VPS13A: variants seen among roughly 807,000 people sequenced by gnomAD.
The protein encoded by VPS13A is intermembrane lipid transfer protein VPS13A.
VPS13A carries 264 observed loss-of-function variants against 390.9 expected under a neutral mutation model. The observed-to-expected ratio is 0.68, with a 90% CI of 0.61 to 0.75. The LOEUF is 0.75. Among genes scored for constraint, VPS13A ranks in the 30% least tolerant of loss-of-function variants. The probability of loss-of-function intolerance (pLI) is 0.00; values close to 1 mark genes in which losing one functional copy is unlikely to be tolerated. For missense variants in VPS13A, 3,409 were observed against 3,733.9 expected (o/e 0.91, Z 2.27); for synonymous variants, 1,231 against 1,227.1 (o/e 1.00, Z -0.07).
At chr9:77,248,657 AAATT>A (rs1201452723) in intron 20 of VPS13A, among the ~76,000 whole-genome samples, 2 of 152,184 alleles carry the variant, frequency 1.3e-5, no homozygotes, top group East Asian at 3.8e-4. Context: ...ATTAGAATTA[AAATT>A]AATTCAGTTT....
At chr9:77,239,025 G>A (rs1172655536) in intron 19 of VPS13A, among the ~76,000 whole-genome samples, 1 of 151,918 alleles carries the variant, frequency 6.6e-6, no homozygotes, top group Non-Finnish European at 1.5e-5. Flanking sequence ...ATTAGGTATG[G>A]ATTGTTAATC....
chr9:77,291,862 A>G (rs548196246), intron 31 of VPS13A, among the ~76,000 whole-genome samples: 1 of 152,260 alleles, frequency 6.6e-6, no homozygotes, highest in South Asian at 2.1e-4. Flanking sequence ...TCCTCATGGC[A>G]TCTGATTGAT....
intron 68 of VPS13A, among the ~76,000 whole-genome samples, chr9:77,400,567 C>A (rs2131643221): frequency 6.6e-6 from 1 of 152,090 alleles, no homozygotes; most frequent in Admixed American, 6.5e-5. Flanking sequence ...GTGGCTCATG[C>A]CTGTAATCCC....
chr9:77,311,405 A>G (rs1196691231), intron 35 of VPS13A, among the ~76,000 whole-genome samples: 1 of 152,160 alleles, frequency 6.6e-6, no homozygotes, highest in Non-Finnish European at 1.5e-5. Context: ...ATCACCCTAA[A>G]TATTAGCAGT....
At chr9:77,408,625 C>T (rs1025982599) in intron 71 of VPS13A, among the ~76,000 whole-genome samples, 3 of 152,162 alleles carry the variant, frequency 2.0e-5, no homozygotes, top group East Asian at 1.9e-4. Flanking sequence ...TCTTAGCAAC[C>T]GGCACACCAG....
intron 23 of VPS13A, among the ~76,000 whole-genome samples, chr9:77,272,660 G>A (rs1163502868): frequency 6.6e-6 from 1 of 152,142 alleles, no homozygotes; most frequent in East Asian, 1.9e-4. Context: ...AGGTGCTTTA[G>A]TACAAACAAC....
At chr9:77,290,645 C>A (rs1827599283) in intron 31 of VPS13A, among the ~76,000 whole-genome samples, 2 of 152,142 alleles carry the variant, frequency 1.3e-5, no homozygotes, top group South Asian at 4.2e-4. Context: ...TTTCTTAGTG[C>A]CTTTTAATTC....
intron 71 of VPS13A, among the ~76,000 whole-genome samples, chr9:77,415,506 AAATT>A (rs1312102477): frequency 6.6e-6 from 1 of 152,206 alleles, no homozygotes; most frequent in Non-Finnish European, 1.5e-5. Flanking sequence ...TTGTAATTTC[AAATT>A]ATTTTAGAAT....
chr9:77,340,311 CTTTTA>C (rs1387825446), intron 49 of VPS13A, 29 bp downstream of exon 49: 3 of 1,606,782 alleles, frequency 1.9e-6, no homozygotes, highest in South Asian at 2.2e-5. Context: ...TATCAAGAAA[CTTTTA>C]TTTTAAATGT....
At chr9:77,301,392 A>C (rs1181687896) in intron 33 of VPS13A, among the ~76,000 whole-genome samples, 1 of 152,218 alleles carries the variant, frequency 6.6e-6, no homozygotes, top group Non-Finnish European at 1.5e-5. Flanking sequence ...TGGGGCTTTT[A>C]GATTCCTTAA....
At chr9:77,283,695 T>C (rs746011607) in intron 31 of VPS13A, 45 bp downstream of exon 31, 1 of 1,441,246 alleles carries the variant, frequency 6.9e-7, no homozygotes, top group East Asian at 2.5e-5. Context: ...TTAAATAGGA[T>C]TGTCCTTTAA....
At chr9:77,303,514 A>G (rs539613503) in intron 34 of VPS13A, among the ~76,000 whole-genome samples, 194 of 152,306 alleles carry the variant, frequency 1.3e-3, no homozygotes, top group Non-Finnish European at 2.1e-3. Context: ...GAGACAAAGT[A>G]TAGAGAAACA....
chr9:77,229,226 G>A (rs763826124), intron 17 of VPS13A, among the ~76,000 whole-genome samples: 1 of 151,782 alleles, frequency 6.6e-6, no homozygotes, highest in Admixed American at 6.6e-5. Flanking sequence ...CTACAGGCGC[G>A]AGCCACCAAC....
At chr9:77,291,091 C>G (rs769441138) in intron 31 of VPS13A, among the ~76,000 whole-genome samples, 2 of 152,104 alleles carry the variant, frequency 1.3e-5, no homozygotes, top group African/African-American at 4.8e-5. Flanking sequence ...GGAACTGGGC[C>G]GGACAGCAGG....
rs1428854852 is a variant in VPS13A, at chr9:77,337,788, A to T, written c.6378+251A>T. On this transcript the variant is annotated intron_variant, in intron 47 of 71. Coordinates refer to ENST00000360280, the MANE Select transcript of VPS13A (RefSeq NM_033305.3). Reference sequence around the variant, plus strand: ...CTTTTAGTGCTGATTTTCTTAAAAGATTGTATACTTTGTGAAGTTGCTTTT... The same window carrying T: ...CTTTTAGTGCTGATTTTCTTAAAAGTTTGTATACTTTGTGAAGTTGCTTTT... 11 of 378,322 alleles carry T rather than the reference A, an allele frequency of 2.9e-5. No homozygotes were observed. The Admixed American group carries it at 3.3e-4, about 11-fold the overall frequency. 23.4% of individuals were successfully genotyped at this position (378,322 alleles called of 1,614,324 possible).
At chr9:77,282,443 A>G (rs1223190691) in intron 29 of VPS13A, among the ~76,000 whole-genome samples, 169 bp downstream of exon 29, 1 of 152,166 alleles carries the variant, frequency 6.6e-6, no homozygotes, top group Non-Finnish European at 1.5e-5. Flanking sequence ...TAGAAAATAA[A>G]GGAAACTACT....
chr9:77,398,616 G>A (rs565730403), intron 68 of VPS13A, among the ~76,000 whole-genome samples: 2 of 152,184 alleles, frequency 1.3e-5, no homozygotes, highest in African/African-American at 4.8e-5. Flanking sequence ...TGACTACAAC[G>A]TGACATTTGT....
At position 77,239,656 on chromosome 9, in the gene VPS13A, T is replaced by C. The variant is rs181584594; in HGVS notation, c.1900+1270T>C. On this transcript the variant is annotated intron_variant, in intron 19 of 71. Transcript: ENST00000360280. ...ATGTCAACAACATGTAATAGGATTT[T>C]TTCCAATCTAGATTTATGGTCCTTA... Among the ~76,000 whole-genome samples the C allele has an allele frequency of 1.9e-3, 294 of 152,068 alleles. 1 individual carries two copies. Among genetic ancestry groups the C allele is most frequent in the Non-Finnish European group, 1.8e-3 (123 of 67,962 alleles).
chr9:77,360,501 G>A (rs1832083437), intron 58 of VPS13A, 35 bp from the exon 59 acceptor site: 1 of 1,494,578 alleles, frequency 6.7e-7, no homozygotes, highest in Non-Finnish European at 9.3e-7. Flanking sequence ...GTTAATTGAT[G>A]ATTTTTAAAA....
Sources: gnomAD v4.1 joint callset for allele counts (sites outside exome capture counted in the v4.1 genomes callset) on GRCh38, gnomAD v4.1.1 for gene constraint, MANE v1.5 for transcripts, NCBI Gene and HGNC (gene_info 2026-07-23, HGNC 2026-07-21) for gene names.